KIF13A: variants seen among roughly 807,000 people sequenced by gnomAD.
KIF13A encodes kinesin family member 13A.
In KIF13A, 79 loss-of-function variants were observed where a neutral mutation model predicts 212.2. That is an observed-to-expected ratio of 0.37 (90% CI 0.31 to 0.45). The LOEUF (loss-of-function observed/expected upper bound fraction) is 0.45, where lower values mean the gene tolerates loss of function less well. KIF13A is among the 20% of genes least tolerant of loss of function. KIF13A has a pLI of 1.00. For synonymous variants in KIF13A, 789 were observed against 808.6 expected (o/e 0.98, Z 0.41); for missense variants, 1,901 against 2,209.0 (o/e 0.86, Z 2.79).
At chr6:17,863,464 T>C (rs1222828634) in intron 4 of KIF13A, among the ~76,000 whole-genome samples, 1 of 152,004 alleles carries the variant, frequency 6.6e-6, no homozygotes, top group African/African-American at 2.4e-5. Context: ...GGACAGGTTC[T>C]AGAGTTCCCC....
intron 3 of KIF13A, among the ~76,000 whole-genome samples, chr6:17,894,863 A>C (rs1268390700): frequency 6.6e-6 from 1 of 152,214 alleles, no homozygotes; most frequent in East Asian, 1.9e-4. Flanking sequence ...GTTACTAATA[A>C]TAGTACTCAG....
At chr6:17,810,970 G>C (rs879333258) in intron 17 of KIF13A, among the ~76,000 whole-genome samples, 2 of 152,206 alleles carry the variant, frequency 1.3e-5, no homozygotes, top group Non-Finnish European at 2.9e-5. Context: ...GTACCAGTTT[G>C]TGGTCTGGGG....
rs1292914920 is a variant in KIF13A, at chr6:17,829,286, TATA to T, written c.1402-919_1402-917del. 6.6e-6 allele frequency among the ~76,000 whole-genome samples: 1 copy of T among 152,256 alleles called. No homozygotes were observed. The highest frequency in any genetic ancestry group is 2.4e-5 in the African/African-American group (1 of 41,474). ...ACATACAACCCTTAGCCCTCAGGGC[TATA>T]ATATCATTACATGTCTCATAGACTC... On this transcript the variant is annotated intron_variant, in intron 13 of 38. Coordinates refer to ENST00000259711, the MANE Select transcript of KIF13A (RefSeq NM_022113.6). The surrounding 1 kb of genome is among the most constrained non-coding windows in gnomAD (Gnocchi z 5.4).
At chr6:17,822,043 C>CTTTT (rs565299308) in intron 16 of KIF13A, 100,079 of 574,322 alleles carry the variant, frequency 0.17, 4,542 homozygotes, top group Admixed American at 0.26. Context: ...AACATAACTT[C>CTTTT]TTTTTTTTTT....
At chr6:17,958,580 A>G (rs1051769129) in intron 2 of KIF13A, among the ~76,000 whole-genome samples, 1 of 152,188 alleles carries the variant, frequency 6.6e-6, no homozygotes, top group African/African-American at 2.4e-5. Context: ...GAATTGTGAC[A>G]CGCAAAGACA....
intron 2 of KIF13A, among the ~76,000 whole-genome samples, chr6:17,922,729 T>C (rs1260932003): frequency 1.3e-5 from 2 of 151,920 alleles, no homozygotes; most frequent in Non-Finnish European, 2.9e-5. Context: ...TTCAGCTAGA[T>C]AGAGGGTATG....
rs1781181013 is a variant in KIF13A at position 17,982,532 on chromosome 6, G to C, written c.146+4522C>G. On this transcript the variant is annotated intron_variant, in intron 2 of 38. Transcript: ENST00000259711. This position sits in a 1 kb window ranked among gnomAD's most constrained non-coding sequence, Gnocchi z 5.1. ...CCCTCCCTCACACGATTTGCAAGGT[G>C]TATTGTTCATCCTGCCATATGGAAA... 6.7e-6 allele frequency: 4 copies of C among 592,878 alleles called. No homozygotes were observed. The highest frequency in any genetic ancestry group is 8.5e-6 in the Non-Finnish European group (4 of 471,902). 36.7% of individuals were successfully genotyped at this position (592,878 alleles called of 1,614,324 possible).
chr6:17,852,544 C>T (rs1352367685), intron 6 of KIF13A, among the ~76,000 whole-genome samples: 1 of 152,108 alleles, frequency 6.6e-6, no homozygotes, highest in East Asian at 1.9e-4. Flanking sequence ...CAGTCACCCA[C>T]GCAGCTGGGA....
intron 4 of KIF13A, among the ~76,000 whole-genome samples, chr6:17,860,190 T>A (rs1695177757): frequency 6.6e-6 from 1 of 152,046 alleles, no homozygotes; most frequent in Non-Finnish European, 1.5e-5. Context: ...CTGCACAATT[T>A]TTTTTTCTTT....
In KIF13A at chr6:17,829,151, T is replaced by G. The variant is rs796204522; in HGVS notation, c.1402-781A>C. On this transcript the variant is annotated intron_variant, in intron 13 of 38. Transcript: ENST00000259711. The surrounding 1 kb of genome is among the most constrained non-coding windows in gnomAD (Gnocchi z 5.4). ...AGTACAGATGGGGGTTTCACCATGTTCGCCAGCCTGGTCTTGAACTCCTGG... is the reference window on the plus strand; with the variant it reads ...AGTACAGATGGGGGTTTCACCATGTGCGCCAGCCTGGTCTTGAACTCCTGG... Among the ~76,000 whole-genome samples the G allele has an allele frequency of 2.6e-5, 4 of 152,320 alleles. No individual in the cohort carries two copies. The highest frequency in any genetic ancestry group is 9.6e-5 in the African/African-American group (4 of 41,574).
At chr6:17,860,573 TAGGCA>T (rs1768664881) in intron 4 of KIF13A, among the ~76,000 whole-genome samples, 1 of 152,120 alleles carries the variant, frequency 6.6e-6, no homozygotes, top group African/African-American at 2.4e-5. Flanking sequence ...TGGCACACAA[TAGGCA>T]TCTGTATTCA....
In KIF13A at chr6:17,871,008, A is replaced by T. The variant is rs1769951078; in HGVS notation, c.220+2369T>A. Among the ~76,000 whole-genome samples the T allele has an allele frequency of 6.6e-6, 1 of 152,218 alleles. No individual in the cohort carries two copies. Among genetic ancestry groups the T allele is most frequent in the African/African-American group, 2.4e-5 (1 of 41,458 alleles). On this transcript the variant is annotated intron_variant, in intron 4 of 38. Coordinates refer to ENST00000259711, the MANE Select transcript of KIF13A (RefSeq NM_022113.6). The surrounding 1 kb of genome is among the most constrained non-coding windows in gnomAD (Gnocchi z 4.4). ...GAAATTAAGTAAATTGTCCAAGAGA[A>T]CCAAGGCAGAGGTCCTGAAATTCAA... is the stretch of plus-strand genomic sequence containing the variant.
intron 2 of KIF13A, among the ~76,000 whole-genome samples, chr6:17,908,895 G>A (rs1773772646): frequency 6.6e-6 from 1 of 152,202 alleles, no homozygotes; most frequent in Non-Finnish European, 1.5e-5. Context: ...GAGGAGTTCA[G>A]GATTGGGGGT....
Position 17,895,336 on chromosome 6 carries a change from G to A in KIF13A, c.159+2832C>T, listed in dbSNP as rs1772465030. 6.6e-6 allele frequency among the ~76,000 whole-genome samples: 1 copy of A among 152,132 alleles called. No individual in the cohort carries two copies. Among genetic ancestry groups the A allele is most frequent in the African/African-American group, 2.4e-5 (1 of 41,430 alleles). ...TGTCATGTACCTCCTTAACTTTGAT[G>A]GTGTATTGGACATTGTATTTTTAAA... is the stretch of plus-strand genomic sequence containing the variant. On this transcript the variant is annotated intron_variant, in intron 3 of 38. Transcript: ENST00000259711. The surrounding 1 kb of genome is among the most constrained non-coding windows in gnomAD (Gnocchi z 4.4).
At chr6:17,935,200 T>C (rs1485073582) in intron 2 of KIF13A, among the ~76,000 whole-genome samples, 1 of 152,214 alleles carries the variant, frequency 6.6e-6, no homozygotes, top group African/African-American at 2.4e-5. Context: ...TCTATAGCTG[T>C]CCTGAATAAA....
intron 20 of KIF13A, among the ~76,000 whole-genome samples, chr6:17,803,294 C>G (rs1340038032): frequency 1.3e-5 from 2 of 151,976 alleles, no homozygotes; most frequent in Non-Finnish European, 2.9e-5. Context: ...GTTGACCAGG[C>G]TGGTTTCAGA....
chr6:17,851,051 C>T (rs1218363687), intron 7 of KIF13A, among the ~76,000 whole-genome samples: 1 of 152,120 alleles, frequency 6.6e-6, no homozygotes, highest in Non-Finnish European at 1.5e-5. Flanking sequence ...AATAGAGCAC[C>T]CTGGCTCCTA....
At chr6:17,766,466 G>C (rs565331037) in intron 38 of KIF13A, among the ~76,000 whole-genome samples, 1 of 151,994 alleles carries the variant, frequency 6.6e-6, no homozygotes, top group African/African-American at 2.4e-5. Flanking sequence ...TCAAACTGCC[G>C]ACCTCAGGTG....
Position 17,918,515 on chromosome 6 carries a change from G to A in KIF13A, c.147-20335C>T, listed in dbSNP as rs748556797. On this transcript the variant is annotated intron_variant, in intron 2 of 38. Transcript: ENST00000259711. The surrounding 1 kb of genome is among the most constrained non-coding windows in gnomAD (Gnocchi z 4.8). The stretch of plus-strand genomic sequence containing the variant: ...GCTGGTTTATTTACTGGATTACTCA[G>A]TAGCTCTTAAAGTGGCAGGTATCAA... Among the ~76,000 whole-genome samples the A allele has an allele frequency of 2.0e-5, 3 of 152,184 alleles. No individual in the cohort carries two copies. The highest frequency in any genetic ancestry group is 2.9e-5 in the Non-Finnish European group (2 of 68,034).
Sources: allele counts gnomAD v4.1 joint callset (sites outside exome capture counted in the v4.1 genomes callset), GRCh38; gene constraint gnomAD v4.1.1; non-coding constraint Gnocchi (gnomAD v3.1); transcripts MANE v1.5; gene names NCBI Gene and HGNC (gene_info 2026-07-23, HGNC 2026-07-21).